The following SEMA4D variants were observed in gnomAD, a reference collection of about 807,000 sequenced individuals.
SEMA4D encodes the protein semaphorin 4D, also known as semaphorin-4D.
Under a neutral mutation model 74.8 loss-of-function variants are expected in SEMA4D, and 22 were observed. The observed-to-expected ratio is 0.29, with a 90% CI of 0.21 to 0.42. The LOEUF is 0.42. Ranked by LOEUF, SEMA4D falls within the 10% of genes least tolerant of loss-of-function variation. The pLI is 1.00. For synonymous variants in SEMA4D, 445 were observed against 463.7 expected (o/e 0.96, Z 0.52); for missense variants, 937 against 1,118.4 (o/e 0.84, Z 2.31).
chr9:89,417,596 T>C (rs992416762), intron 2 of SEMA4D, among the ~76,000 whole-genome samples: 3 of 152,234 alleles, frequency 2.0e-5, no homozygotes, highest in African/African-American at 7.2e-5. Flanking sequence ...ATGCATGGCT[T>C]GGAACGGACC....
At chr9:89,432,411 G>A (rs1209976300) in intron 2 of SEMA4D, among the ~76,000 whole-genome samples, 1 of 152,118 alleles carries the variant, frequency 6.6e-6, no homozygotes, top group East Asian at 1.9e-4. Context: ...CCACAGTAAG[G>A]TCCTAAAACT....
intron 1 of SEMA4D, among the ~76,000 whole-genome samples, chr9:89,462,227 C>A (rs1857426764): frequency 6.6e-6 from 1 of 152,188 alleles, no homozygotes; most frequent in Admixed American, 6.5e-5. Flanking sequence ...TGTGAGTGCA[C>A]TGCAAATTCT....
Position 89,432,511 on chromosome 9 carries a change from T to C in SEMA4D, c.-244+23377A>G, listed in dbSNP as rs116344084. Among the ~76,000 whole-genome samples the C allele has an allele frequency of 8.5e-3, 1,289 of 152,294 alleles. 19 individuals carry two copies. Among genetic ancestry groups the C allele is most frequent in the African/African-American group, 0.029 (1,200 of 41,554 alleles). ...GCTGCATGGCTCTTCCTCCTCTGAG[T>C]GCCCTGTCTCTATCTCTGGTCACCA... is the stretch of plus-strand genomic sequence containing the variant. On this transcript the variant is annotated intron_variant, in intron 2 of 15. Coordinates refer to ENST00000422704, the MANE Select transcript of SEMA4D (RefSeq NM_001371194.2).
At chr9:89,470,764 A>G (rs1859972564) in intron 1 of SEMA4D, among the ~76,000 whole-genome samples, 1 of 152,266 alleles carries the variant, frequency 6.6e-6, no homozygotes, top group Non-Finnish European at 1.5e-5. Context: ...ATGAGCCTCA[A>G]CGGCACAGTG....
At chr9:89,489,715 TG>T (rs749271223) in intron 1 of SEMA4D, among the ~76,000 whole-genome samples, 2 of 152,278 alleles carry the variant, frequency 1.3e-5, no homozygotes, top group Non-Finnish European at 1.5e-5. Flanking sequence ...TCATAGGCCA[TG>T]TATGAATATA....
chr9:89,418,938 A>G (rs903547726), intron 2 of SEMA4D: 1 of 149,110 alleles, frequency 6.7e-6, no homozygotes, highest in Non-Finnish European at 1.5e-5. Context: ...TCTTTTTTTG[A>G]AGCCAGCTGG....
chr9:89,421,872 G>A (rs928255352), intron 2 of SEMA4D, among the ~76,000 whole-genome samples: 1 of 152,206 alleles, frequency 6.6e-6, no homozygotes, highest in Non-Finnish European at 1.5e-5. Context: ...ATTTAATCAA[G>A]AACCTGCTGG....
chr9:89,379,066 AGAAGAG>A lies in SEMA4D; in HGVS notation c.2221_2226del (p.Leu741_Phe742del). ...AAGAGGCAGAGGAAGAGAACAAAGAAGAAGAGGAAGAGGGACATGAGGAGGCGGTTG... is the reference window on the plus strand; with the variant it reads ...AAGAGGCAGAGGAAGAGAACAAAGAAGAAGAGGGACATGAGGAGGCGGTTG... On this transcript the variant is annotated inframe_deletion, in exon 16 of 16. Transcript: ENST00000422704. The A allele has an allele frequency of 6.2e-7, 1 of 1,613,582 alleles. No homozygotes were observed. Among genetic ancestry groups the A allele is most frequent in the East Asian group, 2.2e-5 (1 of 44,884 alleles).
Position 89,378,692 on chromosome 9 carries a change from G to A in SEMA4D, c.*12C>T. The A allele has an allele frequency of 6.2e-7, 1 of 1,604,704 alleles. No homozygotes were observed. Among genetic ancestry groups the A allele is most frequent in the Non-Finnish European group, 8.5e-7 (1 of 1,171,806 alleles). On this transcript the variant is annotated 3_prime_UTR_variant, in exon 16 of 16. Coordinates refer to ENST00000422704, the MANE Select transcript of SEMA4D (RefSeq NM_001371194.2). ...TCGCAGCCGAGGCACCAGCGGGGAT[G>A]CACAGCCGGCCTCAGTCTCCATCTG... is the stretch of plus-strand genomic sequence containing the variant.
At chr9:89,366,861 A>G (rs900031385) in intron 16 of SEMA4D, among the ~76,000 whole-genome samples, 4 of 152,136 alleles carry the variant, frequency 2.6e-5, no homozygotes, top group Admixed American at 6.5e-5. Context: ...AGGGGACTGG[A>G]GTCACTGAGT....
exon 19 of SEMA4D, chr9:89,362,334 T>C: frequency 6.2e-7 from 1 of 1,613,530 alleles, no homozygotes; most frequent in Non-Finnish European, 8.5e-7. Flanking sequence ...TCTCCGGGGG[T>C]GGCTGTGGTC....
Position 89,405,562 on chromosome 9 carries a change from A to G in SEMA4D, c.-106T>C, listed in dbSNP as rs563999081. The G allele has an allele frequency of 1.3e-6, 2 of 1,523,496 alleles. No individual in the cohort carries two copies. The highest frequency in any genetic ancestry group is 1.2e-5 in the South Asian group (1 of 81,598). 94.4% of individuals were successfully genotyped at this position (1,523,496 alleles called of 1,614,324 possible). ...GGCTCAGCGCCCCAGGACCAGGGCC[A>G]GCAGCACAGCCTGGAGCTCGTGAAC... On this transcript the variant is annotated 5_prime_UTR_variant, in exon 3 of 16. Transcript: ENST00000422704.
In SEMA4D at chr9:89,484,607, G is replaced by A. The variant is rs185201653; in HGVS notation, c.-310+13312C>T. Among the ~76,000 whole-genome samples, 282 of 151,526 alleles carry A rather than the reference G, an allele frequency of 1.9e-3. No homozygotes were observed. The highest frequency in any genetic ancestry group is 3.2e-3 in the Non-Finnish European group (214 of 67,798). ...GTATGTGTGTAGTATGGGGTGTTCC[G>A]TGGTGTGATGTGCGGTGTATGTATG... On this transcript the variant is annotated intron_variant, in intron 1 of 15. Coordinates refer to ENST00000422704, the MANE Select transcript of SEMA4D (RefSeq NM_001371194.2). This position sits in a 1 kb window ranked among gnomAD's most constrained non-coding sequence, Gnocchi z 4.1.
At chr9:89,444,156 A>G (rs1246358906) in intron 2 of SEMA4D, among the ~76,000 whole-genome samples, 2 of 152,112 alleles carry the variant, frequency 1.3e-5, no homozygotes, top group Non-Finnish European at 2.9e-5. Flanking sequence ...CCTACCTACC[A>G]TAGACATAAT....
At chr9:89,446,280 C>G (rs1027986159) in intron 2 of SEMA4D, among the ~76,000 whole-genome samples, 1 of 152,198 alleles carries the variant, frequency 6.6e-6, no homozygotes, top group Non-Finnish European at 1.5e-5. Context: ...ACCAGATAGT[C>G]CAGAATCATC....
Position 89,428,302 on chromosome 9 carries a change from C to T in SEMA4D, c.-243-22603G>A, listed in dbSNP as rs1225575903. On this transcript the variant is annotated intron_variant, in intron 2 of 15. Coordinates refer to ENST00000422704, the MANE Select transcript of SEMA4D (RefSeq NM_001371194.2). ...CCATGCAGCTTCCTTCTGGGCCTCA[C>T]ATTCGATGCTGCCCAGCACTGCCCA... Among the ~76,000 whole-genome samples, 4 of 152,242 alleles carry T rather than the reference C, an allele frequency of 2.6e-5. 1 individual carries two copies. Among genetic ancestry groups the T allele is most frequent in the Non-Finnish European group, 5.9e-5 (4 of 68,034 alleles).
At chr9:89,479,167 C>T (rs548210718) in intron 1 of SEMA4D, among the ~76,000 whole-genome samples, 1 of 152,254 alleles carries the variant, frequency 6.6e-6, no homozygotes, top group Admixed American at 6.5e-5. Flanking sequence ...CACAGGGCTC[C>T]CAGAGCCAGC....
intron 1 of SEMA4D, among the ~76,000 whole-genome samples, chr9:89,480,328 C>A (rs1352622357): frequency 6.6e-6 from 1 of 152,290 alleles, no homozygotes; most frequent in African/African-American, 2.4e-5. Flanking sequence ...CACGTCCCCA[C>A]CAGACTCAGG....
chr9:89,413,014 A>G (rs574983844), intron 2 of SEMA4D, among the ~76,000 whole-genome samples: 2 of 152,348 alleles, frequency 1.3e-5, no homozygotes, highest in Non-Finnish European at 2.9e-5. Flanking sequence ...AATTAAAACA[A>G]AAGGAGAAAA....
Sources: allele counts gnomAD v4.1 joint callset (sites outside exome capture counted in the v4.1 genomes callset), GRCh38; gene constraint gnomAD v4.1.1; non-coding constraint Gnocchi (gnomAD v3.1); transcripts MANE v1.5; gene names NCBI Gene and HGNC (gene_info 2026-07-23, HGNC 2026-07-21).